The following NAA11 variants were observed in gnomAD, a reference collection of about 807,000 sequenced individuals.
The protein encoded by NAA11 is N-alpha-acetyltransferase 11.
Under a neutral mutation model 16.1 loss-of-function variants are expected in NAA11, and 15 were observed. The observed-to-expected ratio is 0.93, with a 90% CI of 0.62 to 1.44. The LOEUF is 1.44. NAA11 is among the 40% of genes most tolerant of loss of function. The pLI is 0.00. For missense variants in NAA11, 298 were observed against 291.3 expected (o/e 1.02, Z -0.17); for synonymous variants, 122 against 112.4 (o/e 1.09, Z -0.54).
downstream of NAA11, among the ~76,000 whole-genome samples, chr4:79,315,257 TAAAG>T (rs1723893963): frequency 6.6e-6 from 1 of 152,106 alleles, no homozygotes; most frequent in Non-Finnish European, 1.5e-5. Context: ...ACATAAAAAA[TAAAG>T]AAAACTTTCT....
the NAA11 span, among the ~76,000 whole-genome samples, chr4:79,170,479 A>G: frequency 1.6e-4 from 24 of 152,254 alleles, no homozygotes; most frequent in East Asian, 1.7e-3. Flanking sequence ...CTTGAAGTCT[A>G]TAAAACAGTT....
At chr4:79,206,689 C>G in the NAA11 span, among the ~76,000 whole-genome samples, 1 of 152,204 alleles carries the variant, frequency 6.6e-6, no homozygotes, top group African/African-American at 2.4e-5. Flanking sequence ...AAGTTGCTAG[C>G]CAGTCAAGAC....
rs1417211253 is a variant in NAA11 at position 79,325,325 on chromosome 4, G to C, written c.553C>G (p.Leu185Val). ...RENQETQGST[L>V]SDSEEACQQK... ...TGACAGGCCTCTTCAGAATCAGAAA[G>C]TGTGCTGCCCTGGGTCTCCTGGTTC... is the stretch of plus-strand genomic sequence containing the variant. Residue 185 changes from leucine to valine, a missense_variant, in exon 1 of 2, where the codon CTT (leucine) becomes GTT (valine). Coordinates refer to ENST00000286794, the MANE Select transcript of NAA11 (RefSeq NM_032693.3). The C allele has an allele frequency of 3.1e-6, 5 of 1,613,850 alleles. No individual in the cohort carries two copies. The African/African-American group carries it at 6.7e-5, about 22-fold the overall frequency.
At chr4:79,177,693 G>C in the NAA11 span, among the ~76,000 whole-genome samples, 1 of 152,198 alleles carries the variant, frequency 6.6e-6, no homozygotes, top group Non-Finnish European at 1.5e-5. Flanking sequence ...ACAGGTCAGG[G>C]TATACTGTAG....
At chr4:79,170,673 AT>A in the NAA11 span, among the ~76,000 whole-genome samples, 2 of 152,184 alleles carry the variant, frequency 1.3e-5, no homozygotes, top group African/African-American at 4.8e-5. Context: ...GAGAAAATAT[AT>A]TAATTTGTCT....
chr4:79,316,580 G>A, downstream of NAA11: 1 of 152,136 alleles, frequency 6.6e-6, no homozygotes, highest in East Asian at 1.9e-4. Context: ...GTTTAAACAT[G>A]AAAAATGTTA....
the NAA11 span, among the ~76,000 whole-genome samples, chr4:79,184,777 A>G: frequency 6.6e-6 from 1 of 152,160 alleles, no homozygotes; most frequent in Non-Finnish European, 1.5e-5. Flanking sequence ...AAGTATGTGT[A>G]TTTCCGGAAG....
At chr4:79,168,579 G>A in the NAA11 span, among the ~76,000 whole-genome samples, 1 of 152,110 alleles carries the variant, frequency 6.6e-6, no homozygotes, top group Non-Finnish European at 1.5e-5. Context: ...AGCGTGAGAT[G>A]GTATCTCATT....
the NAA11 span, among the ~76,000 whole-genome samples, chr4:79,157,840 A>C: frequency 6.6e-6 from 1 of 152,018 alleles, no homozygotes; most frequent in Non-Finnish European, 1.5e-5. Context: ...CACAAGAGAA[A>C]GAAACTAGGG....
chr4:79,319,708 A>G (rs1344989190), intron 1 of NAA11, among the ~76,000 whole-genome samples: 1 of 152,196 alleles, frequency 6.6e-6, no homozygotes, highest in Non-Finnish European at 1.5e-5. Flanking sequence ...ATTTCAAAAC[A>G]ATATTTTATC....
At chr4:79,207,753 T>C in the NAA11 span, among the ~76,000 whole-genome samples, 2 of 152,164 alleles carry the variant, frequency 1.3e-5, no homozygotes. Context: ...TTATGAGTGC[T>C]TTTATCATTC....
At chr4:79,240,195 G>C (rs1721660768) in intron 2 of NAA11, among the ~76,000 whole-genome samples, 4 of 152,150 alleles carry the variant, frequency 2.6e-5, no homozygotes, top group Admixed American at 2.6e-4. Flanking sequence ...AATTGTGTGT[G>C]ATCAAGGAAC....
At chr4:79,248,093 C>T (rs550406768) in intron 2 of NAA11, among the ~76,000 whole-genome samples, 1 of 152,308 alleles carries the variant, frequency 6.6e-6, no homozygotes, top group East Asian at 1.9e-4. Flanking sequence ...TGAGCACTTC[C>T]CTGTCTACTG....
downstream of NAA11, among the ~76,000 whole-genome samples, chr4:79,221,787 T>C (rs941107043): frequency 6.1e-5 from 8 of 131,800 alleles, no homozygotes; most frequent in African/African-American, 2.1e-4. Flanking sequence ...CAGTATTTTA[T>C]TGAGGATTTT....
chr4:79,310,060 T>C (rs1265112437), intron 1 of NAA11, among the ~76,000 whole-genome samples: 1 of 152,228 alleles, frequency 6.6e-6, no homozygotes, highest in Non-Finnish European at 1.5e-5. Context: ...ATAATTTTTA[T>C]TGGCTCAATT....
chr4:79,256,669 T>TATATA (rs1560427608), intron 2 of NAA11, among the ~76,000 whole-genome samples: 2 of 146,888 alleles, frequency 1.4e-5, no homozygotes, highest in African/African-American at 5.0e-5. Flanking sequence ...TATATATATA[T>TATATA]TGACACGAGG....
chr4:79,162,116 T>G, the NAA11 span, among the ~76,000 whole-genome samples: 1 of 152,232 alleles, frequency 6.6e-6, no homozygotes, highest in Non-Finnish European at 1.5e-5. Context: ...CTTTATTTTA[T>G]TTTTACAATG....
the NAA11 span, among the ~76,000 whole-genome samples, chr4:79,209,824 T>C: frequency 0.71 from 107,574 of 151,810 alleles, 40,657 homozygotes; most frequent in East Asian, 0.89. Context: ...GGTGGGCAAA[T>C]TGCTTGAGGC....
chr4:79,313,617 G>GT (rs1560471295), downstream of NAA11, among the ~76,000 whole-genome samples: 1 of 152,132 alleles, frequency 6.6e-6, no homozygotes. Context: ...TTCACAAAAC[G>GT]TAATTCCCAC....
Sources: gnomAD v4.1 joint callset for allele counts (sites outside exome capture counted in the v4.1 genomes callset) on GRCh38, gnomAD v4.1.1 for gene constraint, MANE v1.5 for transcripts, NCBI Gene and HGNC (gene_info 2026-07-23, HGNC 2026-07-21) for gene names.